RAP1GAP2: variants seen among roughly 807,000 people sequenced by gnomAD.
The protein encoded by RAP1GAP2 is RAP1 GTPase activating protein 2, also known as rap1 GTPase-activating protein 2.
In RAP1GAP2, 27 loss-of-function variants were observed where a neutral mutation model predicts 95.0. The ratio of observed to expected loss-of-function variants is 0.28; its 90% confidence interval spans 0.21 to 0.39. RAP1GAP2 has a LOEUF of 0.39. Among genes scored for constraint, RAP1GAP2 ranks in the 10% least tolerant of loss-of-function variants. The pLI is 1.00. For missense variants in RAP1GAP2, 771 were observed against 970.0 expected (o/e 0.79, Z 2.72); for synonymous variants, 373 against 380.9 (o/e 0.98, Z 0.24).
chr17:3,002,489 C>T (rs2046195415), intron 14 of RAP1GAP2, among the ~76,000 whole-genome samples: 1 of 152,204 alleles, frequency 6.6e-6, no homozygotes, highest in Non-Finnish European at 1.5e-5. Context: ...CTCCCGGCAG[C>T]ACCCCAGGTA....
Position 2,761,539 on chromosome 17 carries a change from C to T in RAP1GAP2, c.50+5772C>T, listed in dbSNP as rs377244075. ...CCAGGCTCAGGTGATCTGCCCGCCT[C>T]GGCCTCCCAACGTGCTGGGATTACA... is the stretch of plus-strand genomic sequence containing the variant. On this transcript the variant is annotated intron_variant, in intron 1 of 25. Transcript: ENST00000637138. Among the ~76,000 whole-genome samples the T allele has an allele frequency of 4.3e-4, 65 of 152,152 alleles. No individual in the cohort carries two copies. In the East Asian group the frequency reaches 7.3e-3, roughly 17 times the overall value.
intron 8 of RAP1GAP2, among the ~76,000 whole-genome samples, chr17:2,978,384 C>T (rs2045214954): frequency 6.6e-6 from 1 of 152,100 alleles, no homozygotes; most frequent in Admixed American, 6.6e-5. Context: ...CCTCCGATCA[C>T]TGAGATGGCT....
rs189140898 is a variant in RAP1GAP2, at chr17:2,996,043, C to T, written c.1044+577C>T. ...CATACGATGCCCAATTCATGGCTGG[C>T]TTCCTATAGAACAGCTGTTCACTGT... On this transcript the variant is annotated intron_variant, in intron 13 of 24. Transcript: ENST00000254695. Among the ~76,000 whole-genome samples the T allele has an allele frequency of 9.1e-3, 1,386 of 152,324 alleles. 6 individuals are homozygous for T. Among genetic ancestry groups the T allele is most frequent in the Non-Finnish European group, 0.014 (943 of 68,026 alleles).
At chr17:3,019,302 A>G (rs2046878070) in intron 18 of RAP1GAP2, among the ~76,000 whole-genome samples, 1 of 152,132 alleles carries the variant, frequency 6.6e-6, no homozygotes, top group South Asian at 2.1e-4. Flanking sequence ...CCTTGAGTCC[A>G]GGAATTCGAG....
At chr17:2,983,633 T>C (rs1222962357) in intron 10 of RAP1GAP2, among the ~76,000 whole-genome samples, 1 of 152,242 alleles carries the variant, frequency 6.6e-6, no homozygotes, top group Non-Finnish European at 1.5e-5. Flanking sequence ...TAAAATAGCT[T>C]TAACAGTTAA....
Position 2,965,696 on chromosome 17 carries a change from C to CG in RAP1GAP2, c.596+55dup. 1.5e-6 allele frequency: 2 copies of CG among 1,349,968 alleles called. No homozygotes were observed. Among genetic ancestry groups the CG allele is most frequent in the Non-Finnish European group, 2.1e-6 (2 of 961,216 alleles). 83.6% of individuals were successfully genotyped at this position (1,349,968 alleles called of 1,614,324 possible). A position where few individuals can be genotyped will look rare whatever the true frequency, so the allele number is the denominator to read the frequency against. On this transcript the variant is annotated intron_variant, in intron 8 of 24. Transcript: ENST00000254695. This position sits in a 1 kb window ranked among gnomAD's most constrained non-coding sequence, Gnocchi z 4.7. ...CTTCTCTTCCAGGCAGGGCTCTCAT[C>CG]GGTGGTGTGGGGGCTGGGATGGGAC...
intron 3 of RAP1GAP2, among the ~76,000 whole-genome samples, chr17:2,926,656 A>C (rs1439537826): frequency 6.6e-6 from 1 of 152,210 alleles, no homozygotes; most frequent in East Asian, 1.9e-4. Context: ...CAAATCTATC[A>C]TCTTACAGTT....
rs532901675 is a variant in RAP1GAP2, at chr17:2,904,930, G to A, written c.81-354G>A. 6.6e-6 allele frequency among the ~76,000 whole-genome samples: 1 copy of A among 152,144 alleles called. No individual in the cohort carries two copies. Among genetic ancestry groups the A allele is most frequent in the South Asian group, 2.1e-4 (1 of 4,820 alleles). On this transcript the variant is annotated intron_variant, in intron 2 of 24. Coordinates refer to ENST00000254695, the MANE Select transcript of RAP1GAP2 (RefSeq NM_015085.5). This position sits in a 1 kb window ranked among gnomAD's most constrained non-coding sequence, Gnocchi z 4.7. ...GAGTTTCATTCTTGTTGCCCAGGCT[G>A]GAGTGCAGTGGCGCCATCTTGGCTC...
intron 2 of RAP1GAP2, among the ~76,000 whole-genome samples, chr17:2,853,758 G>A (rs1006920784): frequency 1.4e-5 from 2 of 147,200 alleles, no homozygotes; most frequent in African/African-American, 4.9e-5. Flanking sequence ...GGAAATGCCC[G>A]CGCCGGGGGA....
At chr17:2,894,068 G>A (rs1002925897) in intron 2 of RAP1GAP2, among the ~76,000 whole-genome samples, 4 of 152,180 alleles carry the variant, frequency 2.6e-5, no homozygotes, top group African/African-American at 9.7e-5. Flanking sequence ...CTGAGGTCAA[G>A]GGTTTGAGAC....
Position 2,981,249 on chromosome 17 carries a change from G to T in RAP1GAP2, c.729+1G>T. The T allele has an allele frequency of 6.2e-7, 1 of 1,609,424 alleles. No homozygotes were observed. The highest frequency in any genetic ancestry group is 2.2e-5 in the East Asian group (1 of 44,832). ...ATTCAATCCTGTCCTGTACCCCAAG[G>T]TAAGGACCTTCATGCTCCCAACATA... On this transcript the variant is annotated splice_donor_variant, in intron 10 of 24. Transcript: ENST00000254695. LOFTEE classifies it high-confidence loss of function.
chr17:2,906,614 G>A lies in RAP1GAP2; in HGVS notation c.165+1246G>A, dbSNP rs751353345. Among the ~76,000 whole-genome samples, 1 of 151,924 alleles carries A rather than the reference G, an allele frequency of 6.6e-6. No individual in the cohort carries two copies. The highest frequency in any genetic ancestry group is 2.4e-5 in the African/African-American group (1 of 41,388). The stretch of plus-strand genomic sequence containing the variant: ...CCAGCTCAGTGTTGGTATCTGAGCC[G>A]GGTGCTGGGCCAGCTCTTTGCACAG... On this transcript the variant is annotated intron_variant, in intron 3 of 24. Transcript: ENST00000254695. This position sits in a 1 kb window ranked among gnomAD's most constrained non-coding sequence, Gnocchi z 4.3.
intron 2 of RAP1GAP2, among the ~76,000 whole-genome samples, chr17:2,841,464 C>A (rs142974019): frequency 6.6e-6 from 1 of 151,638 alleles, no homozygotes; most frequent in Non-Finnish European, 1.5e-5. Flanking sequence ...CCACCACACG[C>A]GGCTAATTTT....
At chr17:2,830,104 C>A (rs1271472339) in intron 2 of RAP1GAP2, among the ~76,000 whole-genome samples, 1 of 152,166 alleles carries the variant, frequency 6.6e-6, no homozygotes, top group Non-Finnish European at 1.5e-5. Context: ...AGTTTACTCT[C>A]TTAAAGCCTC....
chr17:2,991,222 G>C, intron 11 of RAP1GAP2, 75 bp from the exon 12 acceptor site: 1 of 1,178,216 alleles, frequency 8.5e-7, no homozygotes. Flanking sequence ...CCAGGTACCT[G>C]GGCATCCATA....
At position 2,942,974 on chromosome 17, in the gene RAP1GAP2, G is replaced by A. The variant is rs147062082; in HGVS notation, c.166-14785G>A. Among the ~76,000 whole-genome samples the A allele has an allele frequency of 4.0e-3, 601 of 152,076 alleles. 4 individuals carry two copies. The highest frequency in any genetic ancestry group is 6.6e-3 in the Non-Finnish European group (450 of 67,994). On this transcript the variant is annotated intron_variant, in intron 3 of 24. Coordinates refer to ENST00000254695, the MANE Select transcript of RAP1GAP2 (RefSeq NM_015085.5). ...AGTAGAGATGGGGTTTCACCATGTT[G>A]GTCAGGCTGGTCTTGAACTCCTGAC...
chr17:2,782,143 C>T (rs113757479), intron 1 of RAP1GAP2, among the ~76,000 whole-genome samples: 3,167 of 152,294 alleles, frequency 0.021, 97 homozygotes, highest in African/African-American at 0.073. Flanking sequence ...TGCCATGCCC[C>T]ATCCCGCCCT....
intron 3 of RAP1GAP2, among the ~76,000 whole-genome samples, chr17:2,954,882 G>A (rs1341639495): frequency 1.3e-5 from 2 of 152,154 alleles, no homozygotes; most frequent in East Asian, 1.9e-4. Context: ...GTGAGCCACC[G>A]TACCCGGCCC....
intron 13 of RAP1GAP2, among the ~76,000 whole-genome samples, chr17:2,995,673 C>T (rs544830299): frequency 1.1e-4 from 16 of 152,336 alleles, no homozygotes; most frequent in African/African-American, 3.1e-4. Flanking sequence ...TGTTTCTGGC[C>T]GAGGCCACAC....
Sources: allele counts gnomAD v4.1 joint callset (sites outside exome capture counted in the v4.1 genomes callset), GRCh38; gene constraint gnomAD v4.1.1; non-coding constraint Gnocchi (gnomAD v3.1); transcripts MANE v1.5; gene names NCBI Gene and HGNC (gene_info 2026-07-23, HGNC 2026-07-21).